Variants in ANKRD36C observed in about 807,000 individuals in gnomAD.
ANKRD36C encodes the protein ankyrin repeat domain-containing protein 36C.
Under a neutral mutation model 276.4 loss-of-function variants are expected in ANKRD36C, and 61 were observed. That is an observed-to-expected ratio of 0.22 (90% CI 0.18 to 0.27). ANKRD36C has a LOEUF of 0.27. Ranked by LOEUF, ANKRD36C falls within the 10% of genes least tolerant of loss-of-function variation. The pLI, the probability that ANKRD36C is intolerant of heterozygous loss-of-function variation, is 1.00. For missense variants in ANKRD36C, 1,447 were observed against 2,032.3 expected (o/e 0.71, Z 5.54); for synonymous variants, 483 against 680.1 (o/e 0.71, Z 4.51).
At chr2:95,851,672 A>G (rs1309371413) in intron 66 of ANKRD36C, 22 bp downstream of exon 86, 3 of 1,455,060 alleles carry the variant, frequency 2.1e-6, no homozygotes, top group South Asian at 1.2e-5. Context: ...TCAGTATGAC[A>G]GAAATTAAGA....
intron 44 of ANKRD36C, among the ~76,000 whole-genome samples, chr2:95,892,581 T>C (rs183119954): frequency 2.0e-5 from 3 of 151,658 alleles, no homozygotes; most frequent in African/African-American, 7.2e-5. Context: ...TTGACATACC[T>C]ATACAAAGTA....
At chr2:95,910,739 A>T (rs1676891856) in intron 42 of ANKRD36C, among the ~76,000 whole-genome samples, 171 bp from the exon 45 acceptor site, 1 of 151,452 alleles carries the variant, frequency 6.6e-6, no homozygotes, top group African/African-American at 2.4e-5. Flanking sequence ...CACTGAGAAA[A>T]GGGAATACAG....
At chr2:95,958,764 G>A (rs1258947171) in exon 11 of ANKRD36C, 1 of 1,532,264 alleles carries the variant, frequency 6.5e-7, no homozygotes, top group East Asian at 2.4e-5. Context: ...TACCTTCAAG[G>A]CCGGTTGTTT....
chr2:95,867,634 T>C, intron 59 of ANKRD36C, 53 bp from the exon 80 acceptor site: 1 of 1,463,980 alleles, frequency 6.8e-7, no homozygotes, highest in Non-Finnish European at 9.3e-7. Context: ...TTATAGCATA[T>C]ACAAAATGTA....
chr2:95,942,395 G>T (rs535829718), intron 19 of ANKRD36C, among the ~76,000 whole-genome samples: 2 of 152,422 alleles, frequency 1.3e-5, no homozygotes, highest in South Asian at 2.1e-4. Context: ...CTGCATTTTT[G>T]AACTTAATGA....
chr2:95,923,235 T>C (rs187689329), intron 32 of ANKRD36C, among the ~76,000 whole-genome samples: 148 of 151,774 alleles, frequency 9.8e-4, no homozygotes, highest in Non-Finnish European at 1.8e-3. Flanking sequence ...TGCTGTACCC[T>C]GAGCCCCTTA....
intron 54 of ANKRD36C, among the ~76,000 whole-genome samples, chr2:95,883,269 A>C (rs1676128345): frequency 6.6e-6 from 1 of 152,134 alleles, no homozygotes; most frequent in Non-Finnish European, 1.5e-5. Flanking sequence ...AACCTTTTAC[A>C]TTTGGAAATT....
intron 6 of ANKRD36C, among the ~76,000 whole-genome samples, chr2:95,973,100 G>A (rs1678730580): frequency 6.6e-6 from 1 of 151,920 alleles, no homozygotes; most frequent in African/African-American, 2.4e-5. Context: ...CTGGGAAACA[G>A]AGTGAGACCC....
chr2:95,912,527 C>G (rs1489268207), intron 40 of ANKRD36C, 92 bp from the exon 43 acceptor site: 77 of 1,584,506 alleles, frequency 4.9e-5, no homozygotes, highest in Non-Finnish European at 6.4e-5. Flanking sequence ...CCTCTGACCT[C>G]CTGCCTGTAT....
chr2:95,948,277 T>G (rs1300343707), intron 17 of ANKRD36C, among the ~76,000 whole-genome samples: 2 of 151,920 alleles, frequency 1.3e-5, no homozygotes, highest in Non-Finnish European at 2.9e-5. Context: ...CACATTTTTC[T>G]GTCACTATGT....
chr2:95,956,650 G>A (rs377095163), intron 13 of ANKRD36C, 136 bp downstream of exon 13: 1,343 of 824,466 alleles, frequency 1.6e-3, no homozygotes, highest in Non-Finnish European at 2.1e-3. Flanking sequence ...AAGCTGTGTG[G>A]AGATGACATG....
At chr2:95,964,264 C>T (rs1678541875) in intron 6 of ANKRD36C, among the ~76,000 whole-genome samples, 1 of 151,158 alleles carries the variant, frequency 6.6e-6, no homozygotes. Context: ...CATTGATGTG[C>T]AAAACTTCTA....
chr2:95,889,540 T>C (rs1484206539), intron 48 of ANKRD36C, among the ~76,000 whole-genome samples: 2 of 151,578 alleles, frequency 1.3e-5, no homozygotes, highest in Non-Finnish European at 3.0e-5. Flanking sequence ...TGCTGTCCCC[T>C]GAGCCTGTTA....
intron 6 of ANKRD36C, among the ~76,000 whole-genome samples, chr2:95,965,883 A>T (rs1368263841): frequency 1.3e-5 from 2 of 152,160 alleles, no homozygotes; most frequent in East Asian, 3.8e-4. Context: ...CAAGTTCTAC[A>T]TGTTATCTAG....
intron 3 of ANKRD36C, among the ~76,000 whole-genome samples, chr2:95,983,966 T>C (rs1056497667): frequency 1.3e-5 from 2 of 152,124 alleles, no homozygotes; most frequent in African/African-American, 4.8e-5. Context: ...TATAATGTTG[T>C]CTGCAATATG....
intron 44 of ANKRD36C, 27 bp downstream of exon 64, chr2:95,893,506 T>C (rs1408186332): frequency 6.5e-7 from 1 of 1,537,938 alleles, no homozygotes; most frequent in Non-Finnish European, 8.8e-7. Flanking sequence ...GGACTGAACA[T>C]GACATTAAAT....
rs1441092611 is a variant in ANKRD36C, at chr2:95,896,485, A to G, written c.2755+2660T>C. On this transcript the variant is annotated intron_variant, in intron 44 of 66. Coordinates refer to ENST00000456556, the Ensembl canonical transcript of ANKRD36C. The stretch of plus-strand genomic sequence containing the variant: ...TGTTATTCTCTAAAGAAGTCTCATT[A>G]AATAGCTATTTTATCCAAGAGGTAG... Among the ~76,000 whole-genome samples the G allele has an allele frequency of 7.3e-5, 11 of 149,958 alleles. 1 individual carries two copies. Among genetic ancestry groups the G allele is most frequent in the Non-Finnish European group, 1.5e-4 (10 of 67,110 alleles).
At position 95,965,356 on chromosome 2, in the gene ANKRD36C, T is replaced by C. The variant is rs1322538792; in HGVS notation, c.800-2809A>G. On this transcript the variant is annotated intron_variant, in intron 6 of 66. Transcript: ENST00000456556. Reference sequence around the variant, plus strand: ...TAGGGATCAACAAAGGGGTTCTAAATTGTGACCTGAGTAGATTAGAGTTTA... The same window carrying C: ...TAGGGATCAACAAAGGGGTTCTAAACTGTGACCTGAGTAGATTAGAGTTTA... Among the ~76,000 whole-genome samples the C allele has an allele frequency of 5.3e-5, 8 of 152,034 alleles. No individual in the cohort carries two copies. In the East Asian group the frequency reaches 1.5e-3, roughly 29 times the overall value.
intron 42 of ANKRD36C, among the ~76,000 whole-genome samples, chr2:95,909,781 C>T (rs1316791839): frequency 1.3e-5 from 2 of 150,490 alleles, no homozygotes; most frequent in African/African-American, 2.4e-5. Context: ...CCAGCAGTTC[C>T]TGCAGCAGCC....
Sources: gnomAD v4.1 joint callset for allele counts (sites outside exome capture counted in the v4.1 genomes callset) on GRCh38, gnomAD v4.1.1 for gene constraint, MANE v1.5 for transcripts, NCBI Gene and HGNC (gene_info 2026-07-23, HGNC 2026-07-21) for gene names.